Variants in PRMT3 observed in about 807,000 individuals in gnomAD.
The protein encoded by PRMT3 is protein arginine N-methyltransferase 3.
A neutral mutation model predicts 71.9 loss-of-function variants in PRMT3; 62 were observed. The ratio of observed to expected loss-of-function variants is 0.86; its 90% confidence interval spans 0.70 to 1.07. The LOEUF is 1.07. Ranked by LOEUF, PRMT3 falls within the 50% of genes least tolerant of loss-of-function variation. The pLI, the probability that PRMT3 is intolerant of heterozygous loss-of-function variation, is 0.00. For missense variants in PRMT3, 663 were observed against 643.0 expected (o/e 1.03, Z -0.34); for synonymous variants, 213 against 220.4 (o/e 0.97, Z 0.30).
At chr11:20,449,071 T>C (rs896542366) in intron 10 of PRMT3, among the ~76,000 whole-genome samples, 1 of 152,284 alleles carries the variant, frequency 6.6e-6, no homozygotes, top group African/African-American at 2.4e-5. Flanking sequence ...TTGTATCACA[T>C]AGGGAGCCTA....
At chr11:20,426,661 T>A (rs1301441791) in intron 9 of PRMT3, 105 bp from the exon 10 acceptor site, 4 of 1,159,650 alleles carry the variant, frequency 3.4e-6, no homozygotes. Context: ...ATTGAAATAC[T>A]TTTTTGTCCC....
rs190998472 is a variant in PRMT3 at position 20,410,672 on chromosome 11, T to C, written c.893+2640T>C. 6.4e-4 allele frequency among the ~76,000 whole-genome samples: 97 copies of C among 152,174 alleles called. 2 individuals are homozygous for C. The East Asian group carries it at 0.016, about 25-fold the overall frequency. On this transcript the variant is annotated intron_variant, in intron 9 of 15. Coordinates refer to ENST00000331079, the MANE Select transcript of PRMT3 (RefSeq NM_005788.4). Reference sequence around the variant, plus strand: ...AGTTAGAAGACCTTCTAAAGTATATTTGTCACTGGTGCAGAGCCCAGAATA... The same window carrying C: ...AGTTAGAAGACCTTCTAAAGTATATCTGTCACTGGTGCAGAGCCCAGAATA...
intron 13 of PRMT3, among the ~76,000 whole-genome samples, chr11:20,492,067 G>A (rs1590107564): frequency 6.6e-6 from 1 of 152,156 alleles, no homozygotes; most frequent in South Asian, 2.1e-4. Flanking sequence ...TGGGTAAGGG[G>A]CATAGAAGTG....
intron 13 of PRMT3, among the ~76,000 whole-genome samples, chr11:20,487,980 A>ACT (rs1851117595): frequency 6.6e-6 from 1 of 152,158 alleles, no homozygotes; most frequent in African/African-American, 2.4e-5. Flanking sequence ...ATATTTTTGG[A>ACT]CTATTGCCTG....
intron 10 of PRMT3, among the ~76,000 whole-genome samples, chr11:20,435,402 A>G (rs754705064): frequency 6.6e-6 from 1 of 152,052 alleles, no homozygotes; most frequent in Non-Finnish European, 1.5e-5. Flanking sequence ...GGGTTTTGCC[A>G]TATTGCCCAG....
At chr11:20,434,277 C>A (rs1047794123) in intron 10 of PRMT3, among the ~76,000 whole-genome samples, 1 of 152,098 alleles carries the variant, frequency 6.6e-6, no homozygotes, top group Non-Finnish European at 1.5e-5. Flanking sequence ...GGTTATTAGA[C>A]CTTTGTCAGA....
At chr11:20,447,364 C>T (rs751674901) in intron 10 of PRMT3, among the ~76,000 whole-genome samples, 26 of 151,826 alleles carry the variant, frequency 1.7e-4, no homozygotes, top group Non-Finnish European at 3.1e-4. Context: ...ACAATGGTGC[C>T]GGTGAGTAGA....
chr11:20,476,153 C>T (rs1850778300), intron 13 of PRMT3, among the ~76,000 whole-genome samples: 1 of 151,768 alleles, frequency 6.6e-6, no homozygotes, highest in African/African-American at 2.4e-5. Flanking sequence ...AGTTCAAGAC[C>T]AGCCTGGCCA....
At position 20,508,628 on chromosome 11, in the gene PRMT3, T is replaced by C. The variant is rs1321161288; in HGVS notation, c.*215T>C. On this transcript the variant is annotated 3_prime_UTR_variant, in exon 16 of 16. Transcript: ENST00000331079. ...CTCATGGTCTGCCACGTAATCATTT[T>C]CTTAGACGTTTGCTCCACCAGATTT... The C allele has an allele frequency of 7.6e-6, 5 of 661,116 alleles. No homozygotes were observed. In the African/African-American group the frequency reaches 8.9e-5, roughly 12 times the overall value. 41.0% of individuals were successfully genotyped at this position (661,116 alleles called of 1,614,324 possible). A position where few individuals can be genotyped will look rare whatever the true frequency, so the allele number is the denominator to read the frequency against.
intron 13 of PRMT3, among the ~76,000 whole-genome samples, chr11:20,474,129 A>AC (rs1389997612): frequency 6.6e-6 from 1 of 151,952 alleles, no homozygotes; most frequent in Non-Finnish European, 1.5e-5. Context: ...GTGGCTAGAG[A>AC]CCCCTTTTGG....
At chr11:20,505,090 C>T (rs1030132353) in intron 15 of PRMT3, among the ~76,000 whole-genome samples, 6 of 152,192 alleles carry the variant, frequency 3.9e-5, no homozygotes, top group East Asian at 1.9e-4. Context: ...ATTGCTAGTA[C>T]GTAGAAATAG....
At chr11:20,477,551 G>T (rs555317515) in intron 13 of PRMT3, among the ~76,000 whole-genome samples, 2 of 141,166 alleles carry the variant, frequency 1.4e-5, no homozygotes, top group African/African-American at 5.1e-5. Context: ...GCAAGATTCC[G>T]TCTCAAAAAA....
At chr11:20,430,695 C>T (rs1374440382) in intron 10 of PRMT3, among the ~76,000 whole-genome samples, 1 of 152,116 alleles carries the variant, frequency 6.6e-6, no homozygotes, top group African/African-American at 2.4e-5. Flanking sequence ...TGTCATCTCA[C>T]ATACTTACCT....
chr11:20,495,275 CAA>C (rs903228724), intron 15 of PRMT3, among the ~76,000 whole-genome samples: 1 of 152,156 alleles, frequency 6.6e-6, no homozygotes, highest in African/African-American at 2.4e-5. Flanking sequence ...CTCGGCCTTC[CAA>C]AGTGCTGGGA....
At chr11:20,414,984 G>C (rs1849270197) in intron 9 of PRMT3, among the ~76,000 whole-genome samples, 1 of 150,576 alleles carries the variant, frequency 6.6e-6, no homozygotes, top group Non-Finnish European at 1.5e-5. Context: ...AGTATCTTAA[G>C]GTAATGATTT....
intron 10 of PRMT3, among the ~76,000 whole-genome samples, chr11:20,435,539 T>TTTTGTTTG (rs540222908): frequency 2.0e-5 from 3 of 152,034 alleles, no homozygotes; most frequent in South Asian, 2.1e-4. Flanking sequence ...CTAGTTTGAT[T>TTTTGTTTG]TTTGTTTGTT....
At chr11:20,484,377 AGTTT>A (rs1252172552) in intron 13 of PRMT3, among the ~76,000 whole-genome samples, 1 of 152,182 alleles carries the variant, frequency 6.6e-6, no homozygotes, top group Non-Finnish European at 1.5e-5. Flanking sequence ...CAAATGAGTT[AGTTT>A]AAGAATTGGG....
intron 13 of PRMT3, among the ~76,000 whole-genome samples, chr11:20,479,448 G>C (rs1850875768): frequency 6.6e-6 from 1 of 152,130 alleles, no homozygotes; most frequent in African/African-American, 2.4e-5. Flanking sequence ...ATGGATATTA[G>C]ATAATACTAA....
intron 13 of PRMT3, among the ~76,000 whole-genome samples, chr11:20,467,967 T>TA (rs1293892839): frequency 6.6e-6 from 1 of 152,190 alleles, no homozygotes; most frequent in Non-Finnish European, 1.5e-5. Flanking sequence ...TGGAGCTACT[T>TA]ACGCAAGCAT....
Sources: gnomAD v4.1 joint callset for allele counts (sites outside exome capture counted in the v4.1 genomes callset) on GRCh38, gnomAD v4.1.1 for gene constraint, MANE v1.5 for transcripts, NCBI Gene and HGNC (gene_info 2026-07-23, HGNC 2026-07-21) for gene names.